Variants in SLC39A8 observed in about 807,000 individuals in gnomAD.
SLC39A8 encodes the protein metal cation symporter ZIP8.
In SLC39A8, 15 loss-of-function variants were observed where a neutral mutation model predicts 40.4. That is an observed-to-expected ratio of 0.37 (90% CI 0.25 to 0.57). SLC39A8 has a LOEUF of 0.57. Among genes scored for constraint, SLC39A8 ranks in the 20% least tolerant of loss-of-function variants. SLC39A8 has a pLI of 0.75. For missense variants in SLC39A8, 472 were observed against 558.8 expected, an observed-to-expected ratio of 0.84 and a Z score of 1.57; for synonymous variants, 223 against 221.6, an observed-to-expected ratio of 1.01 and a Z score of -0.06.
chr4:102,262,858 T>G lies in SLC39A8; in HGVS notation c.*186A>C. On this transcript the variant is annotated 3_prime_UTR_variant, in exon 9 of 9. Transcript: ENST00000356736. ...GCATCTCAGACTGACACTGAAAACCTTTTGAAGCATTTTTAACAACAAATA... is the reference window on the plus strand; with the variant it reads ...GCATCTCAGACTGACACTGAAAACCGTTTGAAGCATTTTTAACAACAAATA... 1 of 1,365,320 alleles carries G rather than the reference T, an allele frequency of 7.3e-7. No homozygotes were observed. The highest frequency in any genetic ancestry group is 9.4e-7 in the Non-Finnish European group (1 of 1,061,808). The allele number at this position is 1,365,320 out of a possible 1,614,324, so 84.6% of individuals were successfully genotyped here.
At chr4:102,324,272 G>A in intron 2 of SLC39A8, 2 of 348,486 alleles carry the variant, frequency 5.7e-6, no homozygotes, top group South Asian at 2.0e-5. Flanking sequence ...GTGCATGCCT[G>A]TAATCCCAGC....
At chr4:102,335,883 C>T (rs1735644429) in intron 2 of SLC39A8, among the ~76,000 whole-genome samples, 1 of 152,012 alleles carries the variant, frequency 6.6e-6, no homozygotes, top group Non-Finnish European at 1.5e-5. Flanking sequence ...TTCATTAATT[C>T]TTGCTGTCTT....
At chr4:102,320,222 TGTATGA>T (rs1734864695) in intron 2 of SLC39A8, among the ~76,000 whole-genome samples, 1 of 138,206 alleles carries the variant, frequency 7.2e-6, no homozygotes. Context: ...TATGTATATA[TGTATGA>T]GTATATATAT....
intron 8 of SLC39A8, among the ~76,000 whole-genome samples, chr4:102,265,344 C>A (rs529433595): frequency 1.3e-5 from 2 of 152,056 alleles, no homozygotes; most frequent in East Asian, 3.9e-4. Flanking sequence ...AAAACACACA[C>A]AACATTTGTC....
intron 8 of SLC39A8, 73 bp from the exon 9 acceptor site, chr4:102,263,266 T>C (rs1731950002): frequency 4.5e-6 from 6 of 1,321,080 alleles, no homozygotes; most frequent in African/African-American, 2.9e-5. Context: ...CTTAGAGGCA[T>C]ACCTTGGAGA....
At chr4:102,331,203 G>C (rs948018753) in intron 2 of SLC39A8, among the ~76,000 whole-genome samples, 2 of 152,074 alleles carry the variant, frequency 1.3e-5, no homozygotes, top group Non-Finnish European at 2.9e-5. Flanking sequence ...AGAAATGAAG[G>C]GTATTCAAAC....
intron 6 of SLC39A8, among the ~76,000 whole-genome samples, chr4:102,289,979 A>C (rs1560540134): frequency 6.6e-6 from 1 of 152,186 alleles, no homozygotes; most frequent in Non-Finnish European, 1.5e-5. Flanking sequence ...AAGAAGTTCT[A>C]CTGTGGGTAA....
At chr4:102,325,740 T>C (rs141854778) in intron 2 of SLC39A8, among the ~76,000 whole-genome samples, 1 of 152,344 alleles carries the variant, frequency 6.6e-6, no homozygotes, top group East Asian at 1.9e-4. Context: ...TTTCAGTTTC[T>C]TTTAAGAAAA....
At chr4:102,272,626 T>A (rs1042952181) in intron 6 of SLC39A8, among the ~76,000 whole-genome samples, 2 of 152,114 alleles carry the variant, frequency 1.3e-5, no homozygotes, top group African/African-American at 4.8e-5. Context: ...CTTATTTTTA[T>A]GCCTAATACA....
intron 6 of SLC39A8, among the ~76,000 whole-genome samples, chr4:102,274,676 G>A (rs1732534333): frequency 6.6e-6 from 1 of 152,126 alleles, no homozygotes. Context: ...TGGAATGCAG[G>A]AAAAAATGTT....
intron 2 of SLC39A8, 130 bp downstream of exon 2, chr4:102,344,314 C>T: frequency 1.3e-5 from 8 of 627,764 alleles, no homozygotes; most frequent in Non-Finnish European, 2.0e-5. Flanking sequence ...TCACCAGATA[C>T]CGCCTTCTAC....
At chr4:102,295,889 T>C (rs1178853514) in intron 6 of SLC39A8, among the ~76,000 whole-genome samples, 1 of 152,126 alleles carries the variant, frequency 6.6e-6, no homozygotes, top group Non-Finnish European at 1.5e-5. Context: ...GACAAGCTTT[T>C]ATCTGGGGAA....
intron 2 of SLC39A8, among the ~76,000 whole-genome samples, chr4:102,329,622 CAA>C (rs201339453): frequency 1.1e-3 from 80 of 74,954 alleles, no homozygotes; most frequent in Admixed American, 2.3e-3. Context: ...GAATCTGTCT[CAA>C]AAAAAAAAAA....
chr4:102,344,435 C>G lies in SLC39A8; in HGVS notation c.219+9G>C. ...AGTACGGAGGGCTGCCCGGACCTGG[C>G]GGCCTTACCTGGTTGAAGTGCAGCT... is the stretch of plus-strand genomic sequence containing the variant. On this transcript the variant is annotated intron_variant, in intron 2 of 8. Coordinates refer to ENST00000356736, the MANE Select transcript of SLC39A8 (RefSeq NM_001135146.2). 1 of 1,508,712 alleles carries G rather than the reference C, an allele frequency of 6.6e-7. No individual in the cohort carries two copies. Among genetic ancestry groups the G allele is most frequent in the South Asian group, 1.3e-5 (1 of 78,524 alleles). The allele number at this position is 1,508,712 out of a possible 1,614,324, so 93.5% of individuals were successfully genotyped here.
intron 6 of SLC39A8, among the ~76,000 whole-genome samples, chr4:102,268,465 T>C (rs1732204093): frequency 6.6e-6 from 1 of 152,254 alleles, no homozygotes; most frequent in Non-Finnish European, 1.5e-5. Flanking sequence ...TTTTTTATGT[T>C]ACAATTTAAA....
intron 2 of SLC39A8, among the ~76,000 whole-genome samples, chr4:102,324,547 A>G (rs2149047094): frequency 6.6e-6 from 1 of 152,274 alleles, no homozygotes; most frequent in East Asian, 1.9e-4. Flanking sequence ...CCATTTTTGC[A>G]GTTGGCTCCA....
Position 102,262,769 on chromosome 4 carries a change from G to A in SLC39A8, c.*275C>T. 2 of 1,128,290 alleles carry A rather than the reference G, an allele frequency of 1.8e-6. No individual in the cohort carries two copies. The highest frequency in any genetic ancestry group is 2.2e-6 in the Non-Finnish European group (2 of 920,564). 69.9% of individuals were successfully genotyped at this position (1,128,290 alleles called of 1,614,324 possible). On this transcript the variant is annotated 3_prime_UTR_variant, in exon 9 of 9. Transcript: ENST00000356736. ...ATAGAATGCATGTCTCTTGCTTCAT[G>A]GTGATATCTAATATGCATGGAATAC...
At chr4:102,302,864 T>C (rs1040819093) in intron 6 of SLC39A8, among the ~76,000 whole-genome samples, 1 of 152,028 alleles carries the variant, frequency 6.6e-6, no homozygotes, top group African/African-American at 2.4e-5. Context: ...ATTATATACT[T>C]GAACATTTCC....
At chr4:102,315,547 T>C (rs1344381760) in intron 3 of SLC39A8, 121 bp downstream of exon 3, 7 of 734,990 alleles carry the variant, frequency 9.5e-6, no homozygotes, top group Non-Finnish European at 1.4e-5. Flanking sequence ...ATAAGTATTA[T>C]TCGAAGAAGT....
Sources: allele counts gnomAD v4.1 joint callset (sites outside exome capture counted in the v4.1 genomes callset), GRCh38; gene constraint gnomAD v4.1.1; transcripts MANE v1.5; gene names NCBI Gene and HGNC (gene_info 2026-07-23, HGNC 2026-07-21).